OMA1: variants seen among roughly 807,000 people sequenced by gnomAD.
The protein encoded by OMA1 is metalloendopeptidase OMA1, mitochondrial.
OMA1 carries 38 observed loss-of-function variants against 30.9 expected under a neutral mutation model. The observed-to-expected ratio is 1.23, with a 90% CI of 0.95 to 1.61. The LOEUF is 1.61. Ranked by LOEUF, OMA1 falls within the 40% of genes most tolerant of loss-of-function variation. The probability of loss-of-function intolerance (pLI) is 0.00; values close to 1 mark genes in which losing one functional copy is unlikely to be tolerated. For missense variants in OMA1, 461 were observed against 349.2 expected (o/e 1.32, Z -2.55); for synonymous variants, 173 against 121.9 (o/e 1.42, Z -2.76).
intron 1 of OMA1, among the ~76,000 whole-genome samples, chr1:58,546,440 A>G (rs901669279): frequency 5.9e-5 from 9 of 151,692 alleles, no homozygotes; most frequent in African/African-American, 2.2e-4. Context: ...TGCCCCGGGC[A>G]AGGCTAGGGG....
chr1:58,543,561 T>C (rs1379149451), intron 1 of OMA1, among the ~76,000 whole-genome samples: 7 of 152,124 alleles, frequency 4.6e-5, no homozygotes, highest in Admixed American at 3.9e-4. Context: ...CCACTACAGT[T>C]TGACCCCAAA....
At chr1:58,485,648 G>A (rs538378138) in intron 8 of OMA1, among the ~76,000 whole-genome samples, 55 of 151,090 alleles carry the variant, frequency 3.6e-4, no homozygotes, top group African/African-American at 1.2e-3. Context: ...ATTTCAGGGC[G>A]CCAATGTCTT....
chr1:58,526,480 C>T (rs980044645), intron 7 of OMA1, among the ~76,000 whole-genome samples: 1 of 151,826 alleles, frequency 6.6e-6, no homozygotes, highest in Non-Finnish European at 1.5e-5. Flanking sequence ...ATCTTAAATG[C>T]TACTAATAAC....
chr1:58,517,266 T>C (rs1646171903), intron 7 of OMA1, among the ~76,000 whole-genome samples: 1 of 152,170 alleles, frequency 6.6e-6, no homozygotes, highest in African/African-American at 2.4e-5. Flanking sequence ...TCCTTAAAAT[T>C]GCTAATAAAG....
intron 7 of OMA1, among the ~76,000 whole-genome samples, chr1:58,507,031 C>T (rs940346038): frequency 3.9e-5 from 6 of 151,950 alleles, no homozygotes; most frequent in Non-Finnish European, 8.8e-5. Flanking sequence ...AAGCTGTTAA[C>T]TACCCTAAGA....
intron 7 of OMA1, among the ~76,000 whole-genome samples, chr1:58,526,778 C>T (rs774960620): frequency 2.6e-5 from 4 of 152,014 alleles, no homozygotes; most frequent in Non-Finnish European, 5.9e-5. Flanking sequence ...ACTCAAAAAG[C>T]CTCCTTAGAT....
At chr1:58,514,117 T>G (rs1173534854) in intron 7 of OMA1, among the ~76,000 whole-genome samples, 3 of 152,172 alleles carry the variant, frequency 2.0e-5, no homozygotes, top group Non-Finnish European at 4.4e-5. Context: ...ACTGGAGGCC[T>G]ATGGTAATTG....
chr1:58,503,835 C>T (rs1645945517), intron 8 of OMA1, among the ~76,000 whole-genome samples: 1 of 152,144 alleles, frequency 6.6e-6, no homozygotes, highest in Admixed American at 6.5e-5. Flanking sequence ...TTTATTATTG[C>T]AACCTGAACA....
intron 8 of OMA1, among the ~76,000 whole-genome samples, chr1:58,489,154 C>T (rs778775012): frequency 6.6e-6 from 1 of 152,194 alleles, no homozygotes; most frequent in Non-Finnish European, 1.5e-5. Context: ...CATCGTGTCA[C>T]CCGGGAAGTG....
In OMA1 at chr1:58,539,198, A is replaced by G; in HGVS notation, c.97T>C (p.Ser33Pro). Residue 33 changes from serine (S) to proline (P), a missense_variant, in exon 2 of 9, where the codon TCC (serine) becomes CCC (proline). Ser to Pro is a moderately conservative substitution (Grantham distance 74). Transcript: ENST00000371226. ...SNWRKCNTLASTSRGCHQVQV... is the reference protein window; with the variant it reads ...SNWRKCNTLAPTSRGCHQVQV... The stretch of plus-strand genomic sequence containing the variant: ...ACTTGATGACAGCCCCGTGAGGTGG[A>G]TGCTAATGTGTTACATTTTCTCCAG... 1 of 872,938 alleles carries G rather than the reference A, an allele frequency of 1.1e-6. No individual in the cohort carries two copies. The allele number at this position is 872,938 out of a possible 1,614,324, so 54.1% of individuals were successfully genotyped here. A position where few individuals can be genotyped will look rare whatever the true frequency, so the allele number is the denominator to read the frequency against.
chr1:58,521,256 A>G (rs755285417), intron 7 of OMA1, among the ~76,000 whole-genome samples: 1 of 152,190 alleles, frequency 6.6e-6, no homozygotes, highest in Non-Finnish European at 1.5e-5. Context: ...AAAAAATAAC[A>G]TATCAACCCT....
At chr1:58,493,005 C>A (rs925236404) in intron 8 of OMA1, among the ~76,000 whole-genome samples, 1 of 152,050 alleles carries the variant, frequency 6.6e-6, no homozygotes, top group African/African-American at 2.4e-5. Flanking sequence ...AACATCAATG[C>A]AAAAATCCTC....
At chr1:58,489,487 G>A (rs1645637925) in intron 8 of OMA1, among the ~76,000 whole-genome samples, 1 of 152,198 alleles carries the variant, frequency 6.6e-6, no homozygotes, top group Admixed American at 6.5e-5. Flanking sequence ...AAGGAGGCCT[G>A]CCTGCCTGTG....
chr1:58,485,033 C>T (rs1645550375), intron 8 of OMA1, among the ~76,000 whole-genome samples: 1 of 151,552 alleles, frequency 6.6e-6, no homozygotes, highest in African/African-American at 2.4e-5. Context: ...AAGAGTAAAC[C>T]CTAATGGACT....
chr1:58,524,575 G>A, intron 7 of OMA1, among the ~76,000 whole-genome samples: 1 of 152,226 alleles, frequency 6.6e-6, no homozygotes, highest in South Asian at 2.1e-4. Flanking sequence ...TTTCATGCTT[G>A]CTGGTAGAGT....
chr1:58,528,235 G>T (rs1646381935), intron 6 of OMA1, among the ~76,000 whole-genome samples: 1 of 152,256 alleles, frequency 6.6e-6, no homozygotes, highest in East Asian at 1.9e-4. Flanking sequence ...GATAACATAA[G>T]GATTTAAAAC....
intron 1 of OMA1, among the ~76,000 whole-genome samples, chr1:58,545,750 G>A (rs143467851): frequency 1.2e-3 from 187 of 152,294 alleles, no homozygotes; most frequent in African/African-American, 4.3e-3. Flanking sequence ...AACTCTTGCT[G>A]AAAATGACTA....
At chr1:58,531,275 T>C (rs1477439807) in intron 5 of OMA1, among the ~76,000 whole-genome samples, 1 of 152,178 alleles carries the variant, frequency 6.6e-6, no homozygotes, top group African/African-American at 2.4e-5. Context: ...GGAAGTTTAT[T>C]TTAAATAAAA....
At chr1:58,489,411 GC>G (rs1645636261) in intron 8 of OMA1, among the ~76,000 whole-genome samples, 1 of 152,218 alleles carries the variant, frequency 6.6e-6, no homozygotes, top group African/African-American at 2.4e-5. Context: ...GCCTGCCATT[GC>G]CGAGGCTTGA....
Sources: gnomAD v4.1 joint callset for allele counts (sites outside exome capture counted in the v4.1 genomes callset) on GRCh38, gnomAD v4.1.1 for gene constraint, MANE v1.5 for transcripts, NCBI Gene and HGNC (gene_info 2026-07-23, HGNC 2026-07-21) for gene names.